Variants in SLC17A8 observed in about 807,000 individuals in gnomAD.
SLC17A8 encodes vesicular glutamate transporter 3.
SLC17A8 carries 31 observed loss-of-function variants against 58.0 expected under a neutral mutation model. The ratio of observed to expected loss-of-function variants is 0.53; its 90% CI spans 0.40 to 0.72. The LOEUF (loss-of-function observed/expected upper bound fraction) is 0.72, where lower values mean the gene tolerates loss of function less well. Ranked by LOEUF, SLC17A8 falls within the 30% of genes least tolerant of loss-of-function variation. The pLI is 0.00. For missense variants in SLC17A8, 655 were observed against 727.8 expected (o/e 0.90, Z 1.15); for synonymous variants, 228 against 249.0 (o/e 0.92, Z 0.79).
chr12:100,396,291 C>T, intron 4 of SLC17A8, 39 bp from the exon 5 acceptor site: 1 of 1,498,838 alleles, frequency 6.7e-7, no homozygotes, highest in Non-Finnish European at 9.3e-7. Context: ...GCAGAAACTA[C>T]AGTCAAATCA....
At chr12:100,392,606 C>T (rs114223392) in intron 3 of SLC17A8, among the ~76,000 whole-genome samples, 1,974 of 151,820 alleles carry the variant, frequency 0.013, 48 homozygotes, top group African/African-American at 0.045. Context: ...CCTGGGTTAC[C>T]GCTTACACCT....
At chr12:100,358,393 C>T (rs1192882011) in intron 1 of SLC17A8, among the ~76,000 whole-genome samples, 1 of 152,102 alleles carries the variant, frequency 6.6e-6, no homozygotes, top group Non-Finnish European at 1.5e-5. Flanking sequence ...TTTCTATTAT[C>T]TCTTAAATTT....
chr12:100,419,024 CT>C (rs988375371), intron 11 of SLC17A8, among the ~76,000 whole-genome samples: 22 of 152,104 alleles, frequency 1.4e-4, no homozygotes, highest in African/African-American at 2.2e-4. Context: ...TTTTGACATA[CT>C]TTTTTTTACA....
At chr12:100,359,107 C>G (rs1952467241) in intron 1 of SLC17A8, among the ~76,000 whole-genome samples, 1 of 152,054 alleles carries the variant, frequency 6.6e-6, no homozygotes, top group Non-Finnish European at 1.5e-5. Flanking sequence ...TGCACTCCAG[C>G]TAGGGTGACA....
intron 2 of SLC17A8, among the ~76,000 whole-genome samples, chr12:100,381,433 G>A (rs1245050198): frequency 6.6e-6 from 1 of 152,172 alleles, no homozygotes; most frequent in South Asian, 2.1e-4. Flanking sequence ...GGGCTCATAG[G>A]AGAGGGCACA....
In SLC17A8 at chr12:100,420,061, CAGA is replaced by C. The variant is rs1952937560; in HGVS notation, c.1678_1680del (p.Lys560del). The C allele has an allele frequency of 6.2e-7, 1 of 1,614,004 alleles. No homozygotes were observed. Among genetic ancestry groups the C allele is most frequent in the Non-Finnish European group, 8.5e-7 (1 of 1,180,012 alleles). ...AGCCACCTCCCAGAATTGTGAAGTC[CAGA>C]AGAAGGAATGGAAAGGACAGAGAGG... On this transcript the variant is annotated inframe_deletion, in exon 12 of 12. Transcript: ENST00000323346.
In SLC17A8 at chr12:100,391,448, G is replaced by A. The variant is rs11837528; in HGVS notation, c.473+329G>A. 0.016 allele frequency among the ~76,000 whole-genome samples: 2,165 copies of A among 138,640 alleles called. 60 individuals are homozygous for A. The highest frequency in any genetic ancestry group is 0.054 in the African/African-American group (1,997 of 36,806). The allele number at this position is 138,640 out of a possible 152,430, so 91.0% of individuals were successfully genotyped here. A position where few individuals can be genotyped will look rare whatever the true frequency, so the allele number is the denominator to read the frequency against. On this transcript the variant is annotated intron_variant, in intron 3 of 11. Coordinates refer to ENST00000323346, the MANE Select transcript of SLC17A8 (RefSeq NM_139319.3). ...GCCTCCTGAACAGTTGGGATTAAAAGTGTGCACCACTACACCCAGCTAACT... is the reference window on the plus strand; with the variant it reads ...GCCTCCTGAACAGTTGGGATTAAAAATGTGCACCACTACACCCAGCTAACT...
At chr12:100,396,629 G>C (rs918866222) in intron 5 of SLC17A8, among the ~76,000 whole-genome samples, 1 of 151,718 alleles carries the variant, frequency 6.6e-6, no homozygotes, top group African/African-American at 2.4e-5. Context: ...GTGTGCCTGG[G>C]ATCCTAGCTA....
intron 6 of SLC17A8, 120 bp downstream of exon 6, chr12:100,401,983 T>A: frequency 1.2e-6 from 1 of 816,482 alleles, no homozygotes; most frequent in Non-Finnish European, 2.1e-6. Flanking sequence ...GTTTATTGTA[T>A]AAATGGAATA....
chr12:100,411,409 G>A (rs1339384629), intron 9 of SLC17A8, among the ~76,000 whole-genome samples: 1 of 152,196 alleles, frequency 6.6e-6, no homozygotes, highest in Non-Finnish European at 1.5e-5. Flanking sequence ...GAACTTGGGA[G>A]GCAGAAGTTG....
intron 2 of SLC17A8, 125 bp downstream of exon 2, chr12:100,381,078 C>A: frequency 9.4e-7 from 1 of 1,064,322 alleles, no homozygotes; most frequent in South Asian, 1.3e-5. Context: ...TTGAAATTAA[C>A]CTCCCATCTC....
Position 100,404,179 on chromosome 12 carries a change from G to A in SLC17A8, c.1186+9G>A, listed in dbSNP as rs200191575. The A allele has an allele frequency of 6.2e-7, 1 of 1,614,130 alleles. No homozygotes were observed. Among genetic ancestry groups the A allele is most frequent in the Admixed American group, 1.7e-5 (1 of 60,022 alleles). On this transcript the variant is annotated intron_variant, in intron 9 of 11. Coordinates refer to ENST00000323346, the MANE Select transcript of SLC17A8 (RefSeq NM_139319.3). ...AATCATGAACTGTGGAGGTACTGTG[G>A]ATTTCATAGATGGCTTAGGCAGCTT...
chr12:100,364,578 C>CA (rs766411911), intron 1 of SLC17A8, among the ~76,000 whole-genome samples: 21 of 152,306 alleles, frequency 1.4e-4, no homozygotes, highest in Non-Finnish European at 2.5e-4. Context: ...ATCAACTGGC[C>CA]AAGTCAGCCT....
At chr12:100,380,206 C>CAAAAAAAA (rs10691046) in intron 1 of SLC17A8, among the ~76,000 whole-genome samples, 3 of 120,076 alleles carry the variant, frequency 2.5e-5, no homozygotes, top group Non-Finnish European at 5.2e-5. Context: ...AACTCCGTCT[C>CAAAAAAAA]AAAAAAAAAA....
In SLC17A8 at chr12:100,380,783, C is replaced by T. The variant is rs1342040241; in HGVS notation, c.184C>T (p.Pro62Ser). 2.7e-5 allele frequency: 43 copies of T among 1,613,952 alleles called. No homozygotes were observed. The highest frequency in any genetic ancestry group is 3.6e-5 in the Non-Finnish European group (43 of 1,180,028). Residue 62 changes from proline to serine, a missense_variant, in exon 2 of 12, where the codon CCC (proline) becomes TCC (serine). Coordinates refer to ENST00000323346, the MANE Select transcript of SLC17A8 (RefSeq NM_139319.3). ...GCCGGTGCAGACGTCCAGGCCAAGC[C>T]CCCCACTCTGCGACTGCCACTGCTG... ...GRPVQTSRPS[P>S]PLCDCHCCGL...
chr12:100,372,583 C>T (rs1952565640), intron 1 of SLC17A8, among the ~76,000 whole-genome samples: 1 of 152,196 alleles, frequency 6.6e-6, no homozygotes, highest in South Asian at 2.1e-4. Flanking sequence ...CCTCATTTAA[C>T]CATAATTACG....
At position 100,412,825 on chromosome 12, in the gene SLC17A8, G is replaced by A; in HGVS notation, c.1242G>A (p.Gly414=). Residue 414 remains glycine, a synonymous_variant, in exon 10 of 12, where the codon GGG becomes GGA. Transcript: ENST00000323346. ...TGGTTGGCTTTTCGCATACCAAAGGGGTGGCTATCTCCTTTCTGGTACTTG... is the reference window on the plus strand; with the variant it reads ...TGGTTGGCTTTTCGCATACCAAAGGAGTGGCTATCTCCTTTCTGGTACTTG... The part of the protein sequence containing the change: ...LLVVGFSHTK[G]VAISFLVLAV... The A allele has an allele frequency of 6.2e-7, 1 of 1,614,096 alleles. No homozygotes were observed. The highest frequency in any genetic ancestry group is 8.5e-7 in the Non-Finnish European group (1 of 1,180,006).
At chr12:100,411,315 T>C (rs888489986) in intron 9 of SLC17A8, among the ~76,000 whole-genome samples, 12 of 152,068 alleles carry the variant, frequency 7.9e-5, no homozygotes, top group African/African-American at 2.9e-4. Flanking sequence ...ACCCCAACTC[T>C]ACTAAAAATA....
intron 2 of SLC17A8, among the ~76,000 whole-genome samples, chr12:100,388,554 G>T (rs1197479877): frequency 6.6e-6 from 1 of 152,190 alleles, no homozygotes; most frequent in Non-Finnish European, 1.5e-5. Context: ...GAGAGTATAG[G>T]CCAAAGTGGC....
Sources: allele counts gnomAD v4.1 joint callset (sites outside exome capture counted in the v4.1 genomes callset), GRCh38; gene constraint gnomAD v4.1.1; transcripts MANE v1.5; gene names NCBI Gene and HGNC (gene_info 2026-07-23, HGNC 2026-07-21).